SPOCK3: variants seen among roughly 807,000 people sequenced by gnomAD.
The protein encoded by SPOCK3 is testican-3.
In SPOCK3, 30 loss-of-function variants were observed where a neutral mutation model predicts 56.6. The observed-to-expected ratio is 0.53, with a 90% CI of 0.40 to 0.72. SPOCK3 has a LOEUF of 0.72. SPOCK3 is among the 30% of genes least tolerant of loss of function. The pLI is 0.00. For synonymous variants in SPOCK3, 196 were observed against 183.3 expected (o/e 1.07, Z -0.56); for missense variants, 527 against 530.0 (o/e 0.99, Z 0.06).
At chr4:167,055,900 T>C (rs1393515703) in intron 3 of SPOCK3, among the ~76,000 whole-genome samples, 1 of 152,178 alleles carries the variant, frequency 6.6e-6, no homozygotes, top group East Asian at 1.9e-4. Flanking sequence ...AAGACAGCAC[T>C]AACCTCTGCA....
intron 2 of SPOCK3, among the ~76,000 whole-genome samples, chr4:167,149,666 C>G (rs1211918832): frequency 6.6e-6 from 1 of 152,032 alleles, no homozygotes; most frequent in Admixed American, 6.6e-5. Context: ...ATTACTATTG[C>G]ATGACATTGC....
chr4:166,866,704 C>G (rs1469864303), intron 6 of SPOCK3, among the ~76,000 whole-genome samples: 1 of 152,032 alleles, frequency 6.6e-6, no homozygotes, highest in Non-Finnish European at 1.5e-5. Flanking sequence ...TGGTTGACAA[C>G]TTTTATGAAA....
chr4:166,740,043 G>A (rs551856018), intron 9 of SPOCK3, among the ~76,000 whole-genome samples: 40 of 152,076 alleles, frequency 2.6e-4, no homozygotes, highest in Non-Finnish European at 5.6e-4. Context: ...ACATAAACAT[G>A]TTATGATGTA....
At chr4:166,987,498 A>T (rs1396985655) in intron 4 of SPOCK3, among the ~76,000 whole-genome samples, 1 of 152,128 alleles carries the variant, frequency 6.6e-6, no homozygotes, top group Non-Finnish European at 1.5e-5. Context: ...AAAGTAACAA[A>T]ATTAGAGGTT....
At chr4:166,822,097 A>T (rs529375014) in intron 6 of SPOCK3, among the ~76,000 whole-genome samples, 1 of 152,160 alleles carries the variant, frequency 6.6e-6, no homozygotes, top group Non-Finnish European at 1.5e-5. Context: ...CAATAAAAAT[A>T]ATATTGAGGT....
chr4:166,828,625 T>C (rs1163344101), intron 6 of SPOCK3, among the ~76,000 whole-genome samples: 4 of 152,038 alleles, frequency 2.6e-5, no homozygotes, highest in African/African-American at 9.7e-5. Context: ...GATAAAAAGC[T>C]TCCTCCTTGA....
At chr4:166,972,936 A>T (rs1202681389) in intron 4 of SPOCK3, among the ~76,000 whole-genome samples, 1 of 152,184 alleles carries the variant, frequency 6.6e-6, no homozygotes, top group Non-Finnish European at 1.5e-5. Flanking sequence ...TGCCTTTCTC[A>T]TTTTAAACTA....
At chr4:167,093,074 TTTC>T (rs1758842620) in intron 2 of SPOCK3, among the ~76,000 whole-genome samples, 1 of 152,176 alleles carries the variant, frequency 6.6e-6, no homozygotes, top group Non-Finnish European at 1.5e-5. Context: ...ATTTTAGTAT[TTTC>T]TTATTATCAA....
chr4:167,099,395 A>G (rs1188460732), intron 2 of SPOCK3, among the ~76,000 whole-genome samples: 2 of 152,134 alleles, frequency 1.3e-5, no homozygotes, highest in Admixed American at 1.3e-4. Flanking sequence ...GGAAAAATAT[A>G]ATGATCATTT....
chr4:167,133,579 A>T (rs988583985), intron 2 of SPOCK3, among the ~76,000 whole-genome samples: 3 of 152,252 alleles, frequency 2.0e-5, no homozygotes, highest in African/African-American at 7.2e-5. Flanking sequence ...TCAGATAGAT[A>T]GCTGGGGCTG....
chr4:166,741,899 G>A (rs1734879926), intron 9 of SPOCK3, 98 bp downstream of exon 9: 1 of 871,566 alleles, frequency 1.1e-6, no homozygotes, highest in Non-Finnish European at 1.8e-6. Context: ...ATTTAGTGCA[G>A]TCTATCTTTG....
rs371960453 is a variant in SPOCK3 at position 167,202,710 on chromosome 4, T to C, written c.189+31275A>G. 1.0e-3 allele frequency among the ~76,000 whole-genome samples: 156 copies of C among 152,014 alleles called. 1 individual carries two copies. The highest frequency in any genetic ancestry group is 4.1e-3 in the East Asian group (21 of 5,182). On this transcript the variant is annotated intron_variant, in intron 2 of 10. Transcript: ENST00000357545. ...CACCCATGAAATAAGGATCTCTTTATACTTTTGATAAATGAACTGTTCCCA... is the reference window on the plus strand; with the variant it reads ...CACCCATGAAATAAGGATCTCTTTACACTTTTGATAAATGAACTGTTCCCA...
chr4:167,106,811 C>G (rs894658111), intron 2 of SPOCK3, among the ~76,000 whole-genome samples: 3 of 143,834 alleles, frequency 2.1e-5, no homozygotes, highest in South Asian at 2.2e-4. Context: ...CAGAGATGAA[C>G]AGGGAGCCAT....
At chr4:166,948,846 T>C (rs1420060542) in intron 4 of SPOCK3, among the ~76,000 whole-genome samples, 1 of 151,984 alleles carries the variant, frequency 6.6e-6, no homozygotes, top group Non-Finnish European at 1.5e-5. Flanking sequence ...TCGAGGAGTA[T>C]CTTTGTGGCG....
intron 4 of SPOCK3, among the ~76,000 whole-genome samples, chr4:166,951,683 A>G (rs1478251221): frequency 7.1e-6 from 1 of 141,566 alleles, no homozygotes; most frequent in Non-Finnish European, 1.5e-5. Context: ...AAAATCCTCA[A>G]TAAAATACTG....
At chr4:167,097,677 C>A (rs1036310865) in intron 2 of SPOCK3, among the ~76,000 whole-genome samples, 4 of 151,676 alleles carry the variant, frequency 2.6e-5, no homozygotes, top group African/African-American at 4.8e-5. Flanking sequence ...AGCCTATTGA[C>A]CCAGAAATCT....
intron 5 of SPOCK3, among the ~76,000 whole-genome samples, chr4:166,891,178 C>T (rs1273499643): frequency 6.6e-6 from 1 of 151,886 alleles, no homozygotes; most frequent in Non-Finnish European, 1.5e-5. Context: ...TAATTATCTT[C>T]CTACTCTAAA....
At chr4:166,773,341 AT>A (rs1010268857) in intron 7 of SPOCK3, among the ~76,000 whole-genome samples, 1 of 152,186 alleles carries the variant, frequency 6.6e-6, no homozygotes, top group African/African-American at 2.4e-5. Context: ...AAGATGTTCA[AT>A]ATTTAAGCTA....
chr4:166,991,750 G>A (rs1747813225), intron 4 of SPOCK3, among the ~76,000 whole-genome samples: 1 of 152,114 alleles, frequency 6.6e-6, no homozygotes, highest in Non-Finnish European at 1.5e-5. Flanking sequence ...TTCTTTACTG[G>A]TAAAGGGGTG....
Sources: gnomAD v4.1 joint callset for allele counts (sites outside exome capture counted in the v4.1 genomes callset) on GRCh38, gnomAD v4.1.1 for gene constraint, MANE v1.5 for transcripts, NCBI Gene and HGNC (gene_info 2026-07-23, HGNC 2026-07-21) for gene names.